The following PCYT1B variants were observed in gnomAD, a reference collection of about 807,000 sequenced individuals.
The protein encoded by PCYT1B is choline-phosphate cytidylyltransferase B.
A neutral mutation model predicts 26.4 loss-of-function variants in PCYT1B; 10 were observed. The observed-to-expected ratio is 0.38, with a 90% CI of 0.23 to 0.64. The LOEUF is 0.64. Among genes scored for constraint, PCYT1B ranks in the 30% least tolerant of loss-of-function variants. The pLI is 0.56. For missense variants in PCYT1B, 161 were observed against 292.7 expected (o/e 0.55, Z 3.28); for synonymous variants, 131 against 108.4 (o/e 1.21, Z -1.29).
chrX:24,656,551 C>CTTTT (rs1179469896), intron 1 of PCYT1B, among the ~76,000 whole-genome samples: 109 of 56,614 alleles, frequency 1.9e-3, no homozygotes, highest in Non-Finnish European at 2.4e-3. Context: ...TCTTTTTTTC[C>CTTTT]TTTTTTTTTT....
chrX:24,628,672 A>G (rs1179214871), intron 1 of PCYT1B, among the ~76,000 whole-genome samples: 1 of 111,424 alleles, frequency 9.0e-6, no homozygotes, highest in Non-Finnish European at 1.9e-5. Context: ...TTTTCACTCA[A>G]TATATCATGA....
intron 7 of PCYT1B, among the ~76,000 whole-genome samples, chrX:24,567,881 G>A (rs768766165): frequency 3.6e-5 from 4 of 111,077 alleles, no homozygotes; most frequent in South Asian, 3.9e-4. Context: ...CCCAGGAGGC[G>A]GAGGTTGCAG....
intron 1 of PCYT1B, among the ~76,000 whole-genome samples, chrX:24,637,491 A>AAAAAAAAAATATATATATATATAT: frequency 9.5e-5 from 5 of 52,876 alleles, no homozygotes; most frequent in African/African-American, 7.3e-4. Context: ...AAAAAAAAAA[A>AAAAAAAAAATATATATATATATAT]ATATATATAT....
intron 1 of PCYT1B, among the ~76,000 whole-genome samples, chrX:24,668,178 G>A (rs1183691030): frequency 1.8e-5 from 2 of 112,028 alleles, no homozygotes; most frequent in Non-Finnish European, 3.8e-5. Flanking sequence ...ACAGATCTGA[G>A]GACTGATGGA....
At position 24,608,237 on chromosome X, in the gene PCYT1B, G is replaced by T. The variant is rs749970311; in HGVS notation, c.218-376C>A. Among the ~76,000 whole-genome samples the T allele has an allele frequency of 1.2e-4, 13 of 111,076 alleles. No homozygotes were observed. In the East Asian group the frequency reaches 2.8e-3, roughly 24 times the overall value. On this transcript the variant is annotated intron_variant, in intron 2 of 7. Transcript: ENST00000379144. ...GGCAAATGGCTTCATCCTTGGGTGT[G>T]GCAGTCCTGAATGAAGACCCCAAGT...
intron 2 of PCYT1B, 47 bp from the exon 3 acceptor site, chrX:24,607,908 T>A: frequency 2.6e-4 from 142 of 548,592 alleles, no homozygotes; most frequent in Non-Finnish European, 4.1e-4. Context: ...GAATGAGGAA[T>A]CCCAGTTACC....
At chrX:24,624,191 G>C (rs371452336) in intron 1 of PCYT1B, among the ~76,000 whole-genome samples, 4 of 110,080 alleles carry the variant, frequency 3.6e-5, no homozygotes, top group East Asian at 2.9e-4. Context: ...GGATGGTCTT[G>C]ATCTCCTGAC....
chrX:24,562,556 G>A, intron 7 of PCYT1B, 51 bp from the exon 8 acceptor site: 1 of 1,088,331 alleles, frequency 9.2e-7, no homozygotes, highest in Non-Finnish European at 1.2e-6. Context: ...ATCTGAGGCA[G>A]CAGCAAAACA....
At chrX:24,632,493 T>G (rs959126910) in intron 1 of PCYT1B, 1 of 137,577 alleles carries the variant, frequency 7.3e-6, no homozygotes, top group African/African-American at 3.1e-5. Flanking sequence ...TACTCGACGA[T>G]CACCTCCAGG....
upstream of PCYT1B, among the ~76,000 whole-genome samples, chrX:24,650,978 C>A (rs1926750576): frequency 9.0e-6 from 1 of 111,542 alleles, no homozygotes; most frequent in African/African-American, 3.3e-5. Flanking sequence ...CACGTGTTAG[C>A]ATTATAGTGT....
At chrX:24,637,743 T>C (rs1304867829) in intron 1 of PCYT1B, among the ~76,000 whole-genome samples, 1 of 107,829 alleles carries the variant, frequency 9.3e-6, no homozygotes, top group Non-Finnish European at 1.9e-5. Flanking sequence ...TGAGGAATAG[T>C]AATGCTTATT....
intron 6 of PCYT1B, among the ~76,000 whole-genome samples, chrX:24,576,747 T>C (rs1402426434): frequency 1.8e-5 from 2 of 111,163 alleles, no homozygotes; most frequent in East Asian, 5.6e-4. Context: ...TATATACATA[T>C]ATGTGCTATG....
At chrX:24,572,937 T>TACAC (rs1555955697) in intron 7 of PCYT1B, among the ~76,000 whole-genome samples, 7 of 103,161 alleles carry the variant, frequency 6.8e-5, no homozygotes, top group African/African-American at 1.8e-4. Flanking sequence ...TATATATATA[T>TACAC]ACACACACAC....
At chrX:24,662,977 C>T (rs1475859043) in intron 1 of PCYT1B, among the ~76,000 whole-genome samples, 1 of 111,958 alleles carries the variant, frequency 8.9e-6, no homozygotes, top group African/African-American at 3.3e-5. Flanking sequence ...GTGTGCTTGA[C>T]ACCCATGACA....
intron 3 of PCYT1B, among the ~76,000 whole-genome samples, chrX:24,590,575 G>T (rs775723316): frequency 9.0e-6 from 1 of 110,973 alleles, no homozygotes; most frequent in East Asian, 2.8e-4. Flanking sequence ...TTTACAGGAG[G>T]TTTGAATGGT....
chrX:24,581,495 T>C (rs888556249), intron 5 of PCYT1B, among the ~76,000 whole-genome samples: 2 of 112,259 alleles, frequency 1.8e-5, no homozygotes, highest in African/African-American at 6.5e-5. Context: ...CTCCTGGGCA[T>C]CCACTGGGCT....
At chrX:24,606,067 A>G (rs989594072) in intron 3 of PCYT1B, among the ~76,000 whole-genome samples, 3 of 108,905 alleles carry the variant, frequency 2.8e-5, no homozygotes, top group African/African-American at 1.0e-4. Context: ...AAAAAAAAAA[A>G]AAAAAAGAAA....
chrX:24,642,234 T>C (rs1449804342), intron 1 of PCYT1B, among the ~76,000 whole-genome samples: 1 of 112,310 alleles, frequency 8.9e-6, no homozygotes, highest in East Asian at 2.8e-4. Flanking sequence ...ACCTGGTGCA[T>C]TGCTGTGTCT....
intron 2 of PCYT1B, 144 bp downstream of exon 2, chrX:24,618,841 C>G (rs1422266306): frequency 2.1e-5 from 7 of 325,888 alleles, no homozygotes; most frequent in Non-Finnish European, 3.3e-5. Context: ...AGGCTGGTCT[C>G]AAACTCCTGA....
Sources: gnomAD v4.1 joint callset for allele counts (sites outside exome capture counted in the v4.1 genomes callset) on GRCh38, gnomAD v4.1.1 for gene constraint, MANE v1.5 for transcripts, NCBI Gene and HGNC (gene_info 2026-07-23, HGNC 2026-07-21) for gene names.